The following AKNAD1 variants were observed in gnomAD, a reference collection of about 807,000 sequenced individuals.
The protein encoded by AKNAD1 is protein AKNAD1.
Under a neutral mutation model 90.8 loss-of-function variants are expected in AKNAD1, and 67 were observed. The observed-to-expected ratio is 0.74, with a 90% confidence interval of 0.61 to 0.90. The LOEUF is 0.90. Ranked by LOEUF, AKNAD1 falls within the 40% of genes least tolerant of loss-of-function variation. The pLI is 0.00. For synonymous variants in AKNAD1, 327 were observed against 341.4 expected (o/e 0.96, Z 0.46); for missense variants, 957 against 975.4 (o/e 0.98, Z 0.25).
At chr1:108,842,454 C>T (rs1325614475) in intron 6 of AKNAD1, among the ~76,000 whole-genome samples, 1 of 152,070 alleles carries the variant, frequency 6.6e-6, no homozygotes, top group Non-Finnish European at 1.5e-5. Flanking sequence ...GAATACAGTG[C>T]CATAAAAACT....
Position 108,837,584 on chromosome 1 carries a change from T to A in AKNAD1, c.1502A>T (p.Asp501Val). Residue 501 changes from aspartate (D) to valine (V), a missense_variant, in exon 7 of 16, where the codon GAC (aspartate) becomes GTC (valine). Asp to Val is a radical substitution (Grantham distance 152). Transcript: ENST00000370001. ...GAGTGAAGAGAAGGTGGAGGCCAAG[T>A]CATCCAGGGTAACTGGAGAACTCAC... The part of the protein sequence containing the change: ...LPVSSPVTLD[D>V]LASTFSSLSN... The A allele has an allele frequency of 6.2e-7, 1 of 1,614,190 alleles. No homozygotes were observed. The highest frequency in any genetic ancestry group is 8.5e-7 in the Non-Finnish European group (1 of 1,180,020).
At chr1:108,854,411 C>T (rs1191448112) in intron 1 of AKNAD1, among the ~76,000 whole-genome samples, 1 of 152,144 alleles carries the variant, frequency 6.6e-6, no homozygotes, top group Admixed American at 6.5e-5. Flanking sequence ...CTCTCTCCAA[C>T]CAAATTTTTA....
intron 5 of AKNAD1, among the ~76,000 whole-genome samples, chr1:108,846,063 C>T (rs190058470): frequency 1.1e-3 from 160 of 152,314 alleles, no homozygotes; most frequent in Admixed American, 1.7e-3. Flanking sequence ...CATAACAACT[C>T]TGAAAGGGAA....
upstream of AKNAD1, among the ~76,000 whole-genome samples, chr1:108,857,854 T>A (rs1056916491): frequency 3.3e-5 from 5 of 152,230 alleles, no homozygotes; most frequent in Non-Finnish European, 7.3e-5. Flanking sequence ...TTGGAGGCAA[T>A]GATTCAACAA....
In AKNAD1 at chr1:108,834,436, C is replaced by T. The variant is rs769985256; in HGVS notation, c.1746+11G>A. The T allele has an allele frequency of 1.2e-6, 2 of 1,602,452 alleles. No homozygotes were observed. The highest frequency in any genetic ancestry group is 1.7e-6 in the Non-Finnish European group (2 of 1,174,184). On this transcript the variant is annotated intron_variant, in intron 9 of 15. Coordinates refer to ENST00000370001, the MANE Select transcript of AKNAD1 (RefSeq NM_152763.5). ...GAAGAACCCAGCCAGGCCCCGGCTG[C>T]AGGACATTACCCCAGAGTTAGAAGA...
rs1663891609 is a variant in AKNAD1 at position 108,823,546 on chromosome 1, A to AG, written c.2059+19dup. On this transcript the variant is annotated intron_variant, in intron 12 of 15. Transcript: ENST00000370001. Reference sequence around the variant, plus strand: ...GTGACTGTCCCCACTCGCCTTTCTGAGGCCCCAGGTGAGTGTTACCTTTAG... The same window carrying AG: ...GTGACTGTCCCCACTCGCCTTTCTGAGGGCCCCAGGTGAGTGTTACCTTTAG... The AG allele has an allele frequency of 6.2e-7, 1 of 1,613,278 alleles. No individual in the cohort carries two copies. The highest frequency in any genetic ancestry group is 1.3e-5 in the African/African-American group (1 of 75,002).
intron 3 of AKNAD1, 131 bp from the exon 4 acceptor site, chr1:108,849,191 T>C (rs886345881): frequency 6.1e-5 from 52 of 854,498 alleles, no homozygotes; most frequent in Admixed American, 1.8e-4. Context: ...TTTCAAAATA[T>C]TTATCTAGGC....
chr1:108,816,412 G>T, intron 15 of AKNAD1, 110 bp from the exon 16 acceptor site: 1 of 1,194,542 alleles, frequency 8.4e-7, no homozygotes, highest in Admixed American at 2.5e-5. Context: ...GAGTATTCCT[G>T]TTTTCCTCTT....
intron 5 of AKNAD1, among the ~76,000 whole-genome samples, chr1:108,846,698 G>A (rs933849568): frequency 2.0e-5 from 3 of 151,836 alleles, no homozygotes; most frequent in Non-Finnish European, 4.4e-5. Context: ...TGCCTGGCCC[G>A]TCTCATCCAC....
chr1:108,834,418 C>T, intron 9 of AKNAD1, 29 bp downstream of exon 9: 1 of 1,568,228 alleles, frequency 6.4e-7, no homozygotes, highest in Non-Finnish European at 8.7e-7. Flanking sequence ...TGAGAAGAAC[C>T]CAGCCAGGCC....
intron 6 of AKNAD1, among the ~76,000 whole-genome samples, chr1:108,838,191 C>T (rs1407934663): frequency 1.3e-5 from 2 of 152,008 alleles, no homozygotes; most frequent in African/African-American, 2.4e-5. Flanking sequence ...CCATTTTCTT[C>T]AAATCCATTA....
At chr1:108,819,573 T>C (rs1663744496) in intron 14 of AKNAD1, among the ~76,000 whole-genome samples, 1 of 151,542 alleles carries the variant, frequency 6.6e-6, no homozygotes, top group South Asian at 2.1e-4. Flanking sequence ...TGAGCCAAGA[T>C]TGCACTCCAG....
intron 14 of AKNAD1, among the ~76,000 whole-genome samples, chr1:108,818,180 T>C (rs1663685277): frequency 6.6e-6 from 1 of 152,186 alleles, no homozygotes; most frequent in Admixed American, 6.5e-5. Flanking sequence ...AGAACTTGCC[T>C]GTTGACTGAG....
In AKNAD1 at chr1:108,848,536, A is replaced by G. The variant is rs562476545; in HGVS notation, c.1245+216T>C. 3.9e-5 allele frequency among the ~76,000 whole-genome samples: 6 copies of G among 152,346 alleles called. No individual in the cohort carries two copies. In the South Asian group the frequency reaches 1.0e-3, roughly 26 times the overall value. On this transcript the variant is annotated intron_variant, in intron 5 of 15. Transcript: ENST00000370001. ...AGTAACCTGGCAAGGAGTAATAGCC[A>G]TAAGTAATAGATCCCCTGAGAAGGA... is the stretch of plus-strand genomic sequence containing the variant.
In AKNAD1 at chr1:108,816,351, T is replaced by C. The variant is rs1274394637; in HGVS notation, c.2380-49A>G. ...TTTAATTACATAAACTAACTGCTGT[T>C]TCTGTTCTTTGGGTTCTCTCATTAT... On this transcript the variant is annotated intron_variant, in intron 15 of 15. Coordinates refer to ENST00000370001, the MANE Select transcript of AKNAD1 (RefSeq NM_152763.5). The C allele has an allele frequency of 1.9e-6, 3 of 1,565,726 alleles. No homozygotes were observed. In the East Asian group the frequency reaches 6.9e-5, roughly 36 times the overall value.
chr1:108,852,964 A>G lies in AKNAD1; in HGVS notation c.-103-197T>C, dbSNP rs114787340. Among the ~76,000 whole-genome samples the G allele has an allele frequency of 6.6e-3, 789 of 119,140 alleles. 6 individuals carry two copies. Among genetic ancestry groups the G allele is most frequent in the African/African-American group, 0.024 (702 of 29,448 alleles). 78.2% of individuals were successfully genotyped at this position (119,140 alleles called of 152,430 possible). The stretch of plus-strand genomic sequence containing the variant: ...GTAGAATAACAGCAAGGAATGGGGG[A>G]AAAAAAAAAAGAGAGTGTTACATTT... On this transcript the variant is annotated intron_variant, in intron 1 of 15. Transcript: ENST00000370001.
intron 14 of AKNAD1, 55 bp downstream of exon 14, chr1:108,820,490 G>A (rs1663776401): frequency 5.0e-6 from 6 of 1,196,138 alleles, no homozygotes; most frequent in South Asian, 1.2e-5. Flanking sequence ...CAAGTACACT[G>A]TATCCACCCA....
In AKNAD1 at chr1:108,851,684, T is replaced by G; in HGVS notation, c.981A>C (p.Ser327=). The G allele has an allele frequency of 6.3e-7, 1 of 1,592,070 alleles. No homozygotes were observed. The highest frequency in any genetic ancestry group is 8.5e-7 in the Non-Finnish European group (1 of 1,172,100). Residue 327 remains serine (S), a synonymous_variant, in exon 2 of 16, where the codon TCA becomes TCC. Coordinates refer to ENST00000370001, the MANE Select transcript of AKNAD1 (RefSeq NM_152763.5). ...CTGTTTCATTTACCTGGATTTGTTGTGAAGGTTCAGTGATTTTCCCTTTCT... is the reference window on the plus strand; with the variant it reads ...CTGTTTCATTTACCTGGATTTGTTGGGAAGGTTCAGTGATTTTCCCTTTCT... ...QEQKGKITEP[S]QQIQMEPIVH...
chr1:108,835,867 G>A lies in AKNAD1; in HGVS notation c.1537-811C>T, dbSNP rs1016535604. ...TCTCGAACTCCTGACCTCGTGATCC[G>A]CCTGCCTCAGCCTCCCAAAGTGCTG... On this transcript the variant is annotated intron_variant, in intron 7 of 15. Transcript: ENST00000370001. 4.6e-5 allele frequency among the ~76,000 whole-genome samples: 7 copies of A among 151,832 alleles called. No homozygotes were observed. In the East Asian group the frequency reaches 5.8e-4, roughly 13 times the overall value.
Sources: gnomAD v4.1 joint callset for allele counts (sites outside exome capture counted in the v4.1 genomes callset) on GRCh38, gnomAD v4.1.1 for gene constraint, MANE v1.5 for transcripts, NCBI Gene and HGNC (gene_info 2026-07-23, HGNC 2026-07-21) for gene names.